The following CELSR1 variants were observed in gnomAD, a reference collection of about 807,000 sequenced individuals.
CELSR1 encodes the protein adhesion G protein-coupled receptor C1.
Under a neutral mutation model 249.1 loss-of-function variants are expected in CELSR1, and 110 were observed. The ratio of observed to expected loss-of-function variants is 0.44; its 90% CI spans 0.38 to 0.52. The LOEUF (loss-of-function observed/expected upper bound fraction) is 0.52, where lower values mean the gene tolerates loss of function less well. Ranked by LOEUF, CELSR1 falls within the 20% of genes least tolerant of loss-of-function variation. The pLI is 0.00. For missense variants in CELSR1, 4,109 were observed against 4,296.4 expected (o/e 0.96, Z 1.22); for synonymous variants, 2,113 against 1,900.0 (o/e 1.11, Z -2.92).
rs992013097 is a variant in CELSR1 at position 46,401,475 on chromosome 22, G to A, written c.5227-1573C>T. Reference sequence around the variant, plus strand: ...GAATCTGCAAAACAGCGTGGCGTGTGCTTCCCTGCAAGGCCGTCAGCTGGT... The same window carrying A: ...GAATCTGCAAAACAGCGTGGCGTGTACTTCCCTGCAAGGCCGTCAGCTGGT... On this transcript the variant is annotated intron_variant, in intron 9 of 34. Coordinates refer to ENST00000674500, the MANE Select transcript of CELSR1 (RefSeq NM_001378328.1). This position sits in a 1 kb window ranked among gnomAD's most constrained non-coding sequence, Gnocchi z 4.7. 1.3e-5 allele frequency among the ~76,000 whole-genome samples: 2 copies of A among 152,210 alleles called. No homozygotes were observed. The highest frequency in any genetic ancestry group is 2.1e-4 in the South Asian group (1 of 4,830).
rs534881469 is a variant in CELSR1, at chr22:46,391,713, G to A, written c.6068C>T (p.Ala2023Val). The A allele has an allele frequency of 4.3e-6, 7 of 1,611,460 alleles. No homozygotes were observed. In the South Asian group the frequency reaches 6.6e-5, roughly 15 times the overall value. Residue 2023 changes from alanine to valine, a missense_variant, in exon 15 of 35, where the codon GCC becomes GTC. By Grantham distance (64) the Ala-to-Val change is moderately conservative. Transcript: ENST00000674500. This position sits in a 1 kb window ranked among gnomAD's most constrained non-coding sequence, Gnocchi z 4.3. Reference protein sequence around the residue: ...RTCDMATGQCACKPGVIGRQC... With the variant: ...RTCDMATGQCVCKPGVIGRQC... ...GCGGCCGATGACGCCGGGCTTGCAG[G>A]CACACTGCCCGGTGGCCATGTCGCA...
intron 1 of CELSR1, among the ~76,000 whole-genome samples, chr22:46,485,909 A>T (rs2080308129): frequency 7.0e-6 from 1 of 142,436 alleles, no homozygotes; most frequent in African/African-American, 2.7e-5. Flanking sequence ...TGCTCTTAAT[A>T]TGCTCTAACC....
At chr22:46,384,196 A>G (rs1465126538) in intron 20 of CELSR1, among the ~76,000 whole-genome samples, 1 of 152,188 alleles carries the variant, frequency 6.6e-6, no homozygotes. Flanking sequence ...TCGGCCTCCC[A>G]AAGTGCTGGG....
At position 46,363,376 on chromosome 22, in the gene CELSR1, G is replaced by A; in HGVS notation, c.9036-129C>T. On this transcript the variant is annotated intron_variant, in intron 34 of 34. Transcript: ENST00000674500. This position sits in a 1 kb window ranked among gnomAD's most constrained non-coding sequence, Gnocchi z 4.3. Reference sequence around the variant, plus strand: ...GTAGAGGGGGCGTCTGGGGGCTCCAGGGAGGGCAAGCTCATGTTGGATGAG... The same window carrying A: ...GTAGAGGGGGCGTCTGGGGGCTCCAAGGAGGGCAAGCTCATGTTGGATGAG... 3 of 727,536 alleles carry A rather than the reference G, an allele frequency of 4.1e-6. No homozygotes were observed. The highest frequency in any genetic ancestry group is 1.7e-5 in the South Asian group (1 of 58,200). 45.1% of individuals were successfully genotyped at this position (727,536 alleles called of 1,614,324 possible). A position where few individuals can be genotyped will look rare whatever the true frequency, so the allele number is the denominator to read the frequency against.
Position 46,407,563 on chromosome 22 carries a change from C to A in CELSR1, c.5226+1433G>T, listed in dbSNP as rs1419529353. ...AGGAGAATCGCTTGAACCTGGGGGG[C>A]AGAAGTTGCAGTGAGCTGAGGTTAC... On this transcript the variant is annotated intron_variant, in intron 9 of 34. Coordinates refer to ENST00000674500, the MANE Select transcript of CELSR1 (RefSeq NM_001378328.1). This position sits in a 1 kb window ranked among gnomAD's most constrained non-coding sequence, Gnocchi z 4.8. Among the ~76,000 whole-genome samples the A allele has an allele frequency of 6.6e-6, 1 of 151,976 alleles. No individual in the cohort carries two copies. Among genetic ancestry groups the A allele is most frequent in the Non-Finnish European group, 1.5e-5 (1 of 68,016 alleles).
At chr22:46,369,964 C>T (rs2078833263) in intron 25 of CELSR1, 160 bp from the exon 26 acceptor site, 1 of 687,874 alleles carries the variant, frequency 1.5e-6, no homozygotes. Flanking sequence ...CCCCTCCAAG[C>T]ACAGTCTCTC....
rs959673333 is a variant in CELSR1, at chr22:46,457,640, G to A, written c.4183+6067C>T. Reference sequence around the variant, plus strand: ...ATGACAAATCACCCGCTCACAGCGCGGACAGAGATGAGGAAGGCTTCCCGG... The same window carrying A: ...ATGACAAATCACCCGCTCACAGCGCAGACAGAGATGAGGAAGGCTTCCCGG... On this transcript the variant is annotated intron_variant, in intron 2 of 34. Transcript: ENST00000674500. 3.3e-5 allele frequency among the ~76,000 whole-genome samples: 5 copies of A among 152,346 alleles called. No individual in the cohort carries two copies. In the East Asian group the frequency reaches 5.8e-4, roughly 18 times the overall value.
intron 1 of CELSR1, among the ~76,000 whole-genome samples, chr22:46,489,830 G>A (rs1167312519): frequency 6.6e-6 from 1 of 151,838 alleles, no homozygotes; most frequent in African/African-American, 2.4e-5. Flanking sequence ...GGGAGACAGA[G>A]GTTGCAGTGA....
At chr22:46,442,921 C>T (rs562392602) in intron 2 of CELSR1, among the ~76,000 whole-genome samples, 2 of 151,362 alleles carry the variant, frequency 1.3e-5, no homozygotes, top group Admixed American at 6.6e-5. Context: ...GAAACCCCAT[C>T]GCTACTAAAA....
In CELSR1 at chr22:46,407,957, G is replaced by A. The variant is rs1022660648; in HGVS notation, c.5226+1039C>T. Reference sequence around the variant, plus strand: ...AGGCAGAGGGGCAAGAGGGCAAGCCGAGGGCCGGGCACCCTCCTGGGGAGG... The same window carrying A: ...AGGCAGAGGGGCAAGAGGGCAAGCCAAGGGCCGGGCACCCTCCTGGGGAGG... On this transcript the variant is annotated intron_variant, in intron 9 of 34. Transcript: ENST00000674500. The surrounding 1 kb of genome is among the most constrained non-coding windows in gnomAD (Gnocchi z 4.8). Among the ~76,000 whole-genome samples the A allele has an allele frequency of 1.8e-4, 27 of 152,332 alleles. No individual in the cohort carries two copies. The highest frequency in any genetic ancestry group is 1.4e-3 in the Admixed American group (22 of 15,310).
chr22:46,380,935 A>G lies in CELSR1; in HGVS notation c.7109T>C (p.Ile2370Thr), dbSNP rs771906941. Residue 2370 changes from isoleucine to threonine, a missense_variant, in exon 22 of 35, where the codon ATT becomes ACT. By Grantham distance (89) the Ile-to-Thr change is moderately conservative. Around this residue, in one of 7 missense-constraint regions of CELSR1, gnomAD observed 1,805 missense variants for 1,831.6 expected, o/e 0.99. Transcript: ENST00000674500. This position sits in a 1 kb window ranked among gnomAD's most constrained non-coding sequence, Gnocchi z 5.1. ...RSLRLPHRPI[I>T]NTPMVSTLVY... ...CAGCGTGCTCACCATCGGGGTATTA[A>G]TGATGGGCCGGTGAGGCAACCTGAG... 2.5e-6 allele frequency: 4 copies of G among 1,613,362 alleles called. No homozygotes were observed. The highest frequency in any genetic ancestry group is 2.2e-5 in the East Asian group (1 of 44,878).
In CELSR1 at chr22:46,440,970, T is replaced by C. The variant is rs1361867081; in HGVS notation, c.4184-1559A>G. 1.3e-5 allele frequency among the ~76,000 whole-genome samples: 2 copies of C among 151,970 alleles called. No individual in the cohort carries two copies. The highest frequency in any genetic ancestry group is 4.8e-5 in the African/African-American group (2 of 41,354). On this transcript the variant is annotated intron_variant, in intron 2 of 34. Transcript: ENST00000674500. The surrounding 1 kb of genome is among the most constrained non-coding windows in gnomAD (Gnocchi z 4.7). ...GAGTTGAAGACCAGCCTGGCCAACA[T>C]GGTGAAACCCCGTCTCTACTAAAAA...
chr22:46,482,742 C>T (rs908215888), intron 1 of CELSR1, among the ~76,000 whole-genome samples: 7 of 152,040 alleles, frequency 4.6e-5, no homozygotes, highest in African/African-American at 1.7e-4. Flanking sequence ...TCTACAGGGT[C>T]CTTCATAGGG....
intron 30 of CELSR1, 109 bp downstream of exon 30, chr22:46,366,277 G>T (rs1327023083): frequency 2.6e-6 from 2 of 760,514 alleles, no homozygotes; most frequent in East Asian, 2.8e-5. Context: ...TGGAAAGTTG[G>T]GGGTGGAAGG....
intron 27 of CELSR1, among the ~76,000 whole-genome samples, chr22:46,368,363 G>A (rs752254135): frequency 5.9e-5 from 9 of 152,082 alleles, no homozygotes; most frequent in Non-Finnish European, 1.0e-4. Flanking sequence ...TCCACAGGTC[G>A]TGGATGGCAC....
At chr22:46,419,964 C>T (rs550868608) in intron 5 of CELSR1, among the ~76,000 whole-genome samples, 26 of 152,104 alleles carry the variant, frequency 1.7e-4, no homozygotes, top group Admixed American at 1.3e-3. Context: ...CCCACGCACA[C>T]GTGCACTCAC....
rs2080868155 is a variant in CELSR1 at position 46,537,153 on chromosome 22, C to T, written c.18G>A (p.Pro6=). 2.0e-6 allele frequency: 2 copies of T among 1,016,190 alleles called. No individual in the cohort carries two copies. Among genetic ancestry groups the T allele is most frequent in the South Asian group, 4.4e-5 (1 of 22,498 alleles). 62.9% of individuals were successfully genotyped at this position (1,016,190 alleles called of 1,614,324 possible). Residue 6 remains proline (P), a synonymous_variant, in exon 1 of 35, where the codon CCG becomes CCA. Coordinates refer to ENST00000674500, the MANE Select transcript of CELSR1 (RefSeq NM_001378328.1). The surrounding 1 kb of genome is among the most constrained non-coding windows in gnomAD (Gnocchi z 5.8). The part of the protein sequence containing the change: MAPPP[P]PVLPVLLLLA... ...GGAGCAGCAGCACGGGCAGCACGGG[C>T]GGCGGCGGCGGCGCCATGGCCCGGA...
Position 46,518,381 on chromosome 22 carries a change from T to A in CELSR1, c.3544+15246A>T, listed in dbSNP as rs535904044. Among the ~76,000 whole-genome samples, 1 of 152,136 alleles carries A rather than the reference T, an allele frequency of 6.6e-6. No homozygotes were observed. Among genetic ancestry groups the A allele is most frequent in the Non-Finnish European group, 1.5e-5 (1 of 68,028 alleles). On this transcript the variant is annotated intron_variant, in intron 1 of 34. Transcript: ENST00000674500. This position sits in a 1 kb window ranked among gnomAD's most constrained non-coding sequence, Gnocchi z 5.2. ...TTAGAGGAGAACGAAGGGAGTGGGC[T>A]CCCACAGACCACATTGCACTGCGAC...
chr22:46,422,693 G>T (rs2079490432), intron 5 of CELSR1, among the ~76,000 whole-genome samples: 1 of 151,532 alleles, frequency 6.6e-6, no homozygotes, highest in Admixed American at 6.6e-5. Flanking sequence ...TGTGAACCCA[G>T]GAGGTGGAGC....
Sources: allele counts gnomAD v4.1 joint callset (sites outside exome capture counted in the v4.1 genomes callset), GRCh38; gene constraint gnomAD v4.1.1; regional missense constraint gnomAD v4.1.1; non-coding constraint Gnocchi (gnomAD v3.1); transcripts MANE v1.5; gene names NCBI Gene and HGNC (gene_info 2026-07-23, HGNC 2026-07-21).